LYPLAL1: variants seen among roughly 807,000 people sequenced by gnomAD.
LYPLAL1 encodes the protein lysophospholipase like 1.
In LYPLAL1, 23 loss-of-function variants were observed where a neutral mutation model predicts 19.7. That is an observed-to-expected ratio of 1.17 (90% CI 0.84 to 1.65). The LOEUF (loss-of-function observed/expected upper bound fraction) is 1.65. LYPLAL1 is among the 40% of genes most tolerant of loss of function. LYPLAL1 has a pLI of 0.00. For missense variants in LYPLAL1, 355 were observed against 279.4 expected (o/e 1.27, Z -1.93); for synonymous variants, 119 against 96.3 (o/e 1.24, Z -1.38).
intron 1 of LYPLAL1, among the ~76,000 whole-genome samples, chr1:219,177,330 T>G (rs1219668163): frequency 6.6e-6 from 1 of 152,160 alleles, no homozygotes; most frequent in Non-Finnish European, 1.5e-5. Context: ...CCATGTAAGG[T>G]CTCTTCCCCA....
chr1:219,210,763 T>C, intron 4 of LYPLAL1, 116 bp downstream of exon 4: 1 of 894,780 alleles, frequency 1.1e-6, no homozygotes, highest in Non-Finnish European at 1.6e-6. Flanking sequence ...ACAGTTGATA[T>C]GGATTGACCA....
chr1:219,191,394 G>T (rs1657170583), intron 2 of LYPLAL1, among the ~76,000 whole-genome samples: 1 of 151,546 alleles, frequency 6.6e-6, no homozygotes, highest in South Asian at 2.1e-4. Flanking sequence ...TGCAGAATAT[G>T]CTTATCATAG....
At chr1:219,261,028 CAAAAGCAATGA>C in the LYPLAL1 span, among the ~76,000 whole-genome samples, 1 of 151,998 alleles carries the variant, frequency 6.6e-6, no homozygotes, top group South Asian at 2.1e-4. Flanking sequence ...TAAACCATAT[CAAAAGCAATGA>C]AAAAGATAAT....
the LYPLAL1 span, among the ~76,000 whole-genome samples, chr1:219,252,841 C>T: frequency 2.6e-5 from 4 of 151,888 alleles, no homozygotes; most frequent in South Asian, 2.1e-4. Flanking sequence ...TTTTTTGGAA[C>T]GGTTTCTGTA....
Position 219,211,586 on chromosome 1 carries a change from A to G in LYPLAL1, c.572A>G (p.Asn191Ser), listed in dbSNP as rs1369514164. The change falls in exon 5 of 5, where the codon AAC becomes AGC. Residue 191 changes from asparagine (N) to serine (S), a missense_variant. Physicochemically the swap from Asn to Ser is conservative, Grantham distance 46. Transcript: ENST00000366928. ...CTTCATTCTTGGGCAGAAGAGACAA[A>G]CTCAATGTTAAAATCTCTAGGAGTG... Reference protein sequence around the residue: ...LVLHSWAEETNSMLKSLGVTT... With the variant: ...LVLHSWAEETSSMLKSLGVTT... 3.1e-6 allele frequency: 5 copies of G among 1,613,346 alleles called. No homozygotes were observed. The highest frequency in any genetic ancestry group is 1.1e-5 in the South Asian group (1 of 91,058).
At chr1:219,193,951 A>G (rs2125067993) in intron 3 of LYPLAL1, among the ~76,000 whole-genome samples, 1 of 152,086 alleles carries the variant, frequency 6.6e-6, no homozygotes, top group South Asian at 2.1e-4. Flanking sequence ...TAAAAAGCAA[A>G]TTAAGTATCC....
At chr1:219,329,711 G>A in the LYPLAL1 span, among the ~76,000 whole-genome samples, 22 of 152,128 alleles carry the variant, frequency 1.4e-4, no homozygotes, top group Admixed American at 1.4e-3. Flanking sequence ...ATGCTTAATG[G>A]GAGTGAGAGG....
At chr1:219,230,140 TCTCA>T in the LYPLAL1 span, among the ~76,000 whole-genome samples, 4 of 152,180 alleles carry the variant, frequency 2.6e-5, no homozygotes, top group Non-Finnish European at 4.4e-5. Context: ...TGAAACAGAG[TCTCA>T]CTCTGTCACC....
chr1:219,347,664 T>C, the LYPLAL1 span, among the ~76,000 whole-genome samples: 1 of 152,256 alleles, frequency 6.6e-6, no homozygotes, highest in African/African-American at 2.4e-5. Flanking sequence ...AATTTATTTT[T>C]TTATTAAGAG....
the LYPLAL1 span, among the ~76,000 whole-genome samples, chr1:219,318,904 C>T: frequency 8.5e-5 from 13 of 152,260 alleles, no homozygotes; most frequent in South Asian, 2.1e-4. Flanking sequence ...ACTCCACTGC[C>T]GGTAAGAAAC....
At chr1:219,305,426 G>A in the LYPLAL1 span, among the ~76,000 whole-genome samples, 2 of 151,930 alleles carry the variant, frequency 1.3e-5, no homozygotes, top group South Asian at 2.1e-4. Context: ...ACATACTGAA[G>A]AAAAAAACAG....
the LYPLAL1 span, among the ~76,000 whole-genome samples, chr1:219,324,295 C>T: frequency 1.3e-5 from 2 of 152,194 alleles, no homozygotes; most frequent in Non-Finnish European, 2.9e-5. Flanking sequence ...CACGAGTTCT[C>T]CTTTTCTCCA....
intron 3 of LYPLAL1, among the ~76,000 whole-genome samples, chr1:219,205,376 A>AAG (rs1484201577): frequency 1.3e-5 from 2 of 151,470 alleles, no homozygotes; most frequent in East Asian, 3.9e-4. Context: ...AAAAAAAAAA[A>AAG]AACAAAAAAA....
At chr1:219,343,337 T>C in the LYPLAL1 span, among the ~76,000 whole-genome samples, 2 of 152,140 alleles carry the variant, frequency 1.3e-5, no homozygotes, top group African/African-American at 4.8e-5. Flanking sequence ...TCTAAATGCC[T>C]CAAAACTAGG....
At chr1:219,247,572 A>G in the LYPLAL1 span, among the ~76,000 whole-genome samples, 1 of 152,178 alleles carries the variant, frequency 6.6e-6, no homozygotes, top group African/African-American at 2.4e-5. Flanking sequence ...GCTGAGTAGG[A>G]CTATTAACCA....
intron 3 of LYPLAL1, among the ~76,000 whole-genome samples, chr1:219,197,879 CAGT>C (rs150228030): frequency 0.015 from 2,284 of 152,186 alleles, 65 homozygotes; most frequent in African/African-American, 0.052. Context: ...CATATAAAAA[CAGT>C]AGCAGGAGAG....
At chr1:219,208,259 C>CA (rs1201028069) in intron 3 of LYPLAL1, among the ~76,000 whole-genome samples, 1 of 151,922 alleles carries the variant, frequency 6.6e-6, no homozygotes, top group Non-Finnish European at 1.5e-5. Context: ...AAAGTTCTCG[C>CA]AATTTTAGTT....
chr1:219,223,927 G>A, the LYPLAL1 span, among the ~76,000 whole-genome samples: 2 of 151,878 alleles, frequency 1.3e-5, no homozygotes, highest in Non-Finnish European at 2.9e-5. Flanking sequence ...TATTACTTTA[G>A]TTAAAAATCA....
At chr1:219,297,070 G>T in the LYPLAL1 span, among the ~76,000 whole-genome samples, 1 of 152,212 alleles carries the variant, frequency 6.6e-6, no homozygotes. Context: ...CCCTCAGAGA[G>T]AAATTCTTTA....
Sources: gnomAD v4.1 joint callset for allele counts (sites outside exome capture counted in the v4.1 genomes callset) on GRCh38, gnomAD v4.1.1 for gene constraint, MANE v1.5 for transcripts, NCBI Gene and HGNC (gene_info 2026-07-23, HGNC 2026-07-21) for gene names.